Variants in IQSEC3 observed in about 807,000 individuals in gnomAD.
IQSEC3 encodes the protein IQ motif and Sec7 domain ArfGEF 3.
In IQSEC3, 50 loss-of-function variants were observed where a neutral mutation model predicts 105.4. The ratio of observed to expected loss-of-function variants is 0.47; its 90% CI spans 0.38 to 0.60. IQSEC3 has a LOEUF of 0.60. Among genes scored for constraint, IQSEC3 ranks in the 20% least tolerant of loss-of-function variants. IQSEC3 has a pLI of 0.00. For missense variants in IQSEC3, 1,415 were observed against 1,630.0 expected, an observed-to-expected ratio of 0.87 and a Z score of 2.27; for synonymous variants, 708 against 746.0, an observed-to-expected ratio of 0.95 and a Z score of 0.83.
chr12:91,141 GC>G, intron 1 of IQSEC3, among the ~76,000 whole-genome samples: 1 of 152,274 alleles, frequency 6.6e-6, no homozygotes, highest in Non-Finnish European at 1.5e-5. Context: ...CTTCAGAGTT[GC>G]CCCCTGGGAC....
intron 8 of IQSEC3, among the ~76,000 whole-genome samples, chr12:163,150 C>CT (rs1866979658): frequency 7.1e-6 from 1 of 140,764 alleles, no homozygotes; most frequent in Non-Finnish European, 1.6e-5. Flanking sequence ...CCCTCCCCTC[C>CT]CTCTCCACAA....
chr12:103,170 T>G (rs1555076694), intron 2 of IQSEC3, among the ~76,000 whole-genome samples: 1 of 151,806 alleles, frequency 6.6e-6, no homozygotes. Flanking sequence ...CTTTCGATCC[T>G]GCCGCCTCCC....
rs1555087249 is a variant in IQSEC3 at position 138,492 on chromosome 12, G to A, written c.1129G>A (p.Val377Met). The A allele has an allele frequency of 8.2e-6, 13 of 1,589,436 alleles. No individual in the cohort carries two copies. In the African/African-American group the frequency reaches 1.5e-4, roughly 18 times the overall value. The change falls in exon 4 of 14, where the codon GTG (valine) becomes ATG (methionine). Residue 377 changes from valine (V) to methionine (M), a missense_variant. By Grantham distance (21) the Val-to-Met change is conservative (BLOSUM62 1). Coordinates refer to ENST00000538872, the MANE Select transcript of IQSEC3 (RefSeq NM_001170738.2). This position sits in a 1 kb window ranked among gnomAD's most constrained non-coding sequence, Gnocchi z 7.1. The part of the protein sequence containing the change: ...EKALMEGYGL[V>M]GLPLVRSPSL... ...AGCGCTCATGGAGGGCTACGGCCTC[G>A]TGGGGCTGCCGCTGGTGCGCTCGCC...
At chr12:169,669 C>T (rs118031059) in intron 12 of IQSEC3, among the ~76,000 whole-genome samples, 129 of 152,284 alleles carry the variant, frequency 8.5e-4, no homozygotes, top group East Asian at 7.7e-3. Flanking sequence ...TCACTCCAGC[C>T]GAGTCACACT....
chr12:153,052 C>A (rs1866560530), intron 5 of IQSEC3, among the ~76,000 whole-genome samples: 1 of 151,812 alleles, frequency 6.6e-6, no homozygotes, highest in African/African-American at 2.4e-5. Context: ...GTAGACACTG[C>A]AAAATAAGAG....
At chr12:150,376 A>C (rs1302431454) in intron 5 of IQSEC3, among the ~76,000 whole-genome samples, 1 of 152,214 alleles carries the variant, frequency 6.6e-6, no homozygotes, top group Non-Finnish European at 1.5e-5. Context: ...ATATTTACTC[A>C]AGCAAGTTAG....
chr12:138,131 T>C lies in IQSEC3; in HGVS notation c.904-136T>C. The C allele has an allele frequency of 1.4e-6, 1 of 733,674 alleles. No individual in the cohort carries two copies. The highest frequency in any genetic ancestry group is 1.8e-5 in the African/African-American group (1 of 56,360). The allele number at this position is 733,674 out of a possible 1,614,324, so 45.4% of individuals were successfully genotyped here. A position where few individuals can be genotyped will look rare whatever the true frequency, so the allele number is the denominator to read the frequency against. On this transcript the variant is annotated intron_variant, in intron 3 of 13. Coordinates refer to ENST00000538872, the MANE Select transcript of IQSEC3 (RefSeq NM_001170738.2). The surrounding 1 kb of genome is among the most constrained non-coding windows in gnomAD (Gnocchi z 7.1). ...CGTTCTAGGCGGTTCAGACTTTAGC[T>C]GCCCAGGAGCGCCCCCCCGCCCCCG...
chr12:172,708 T>A (rs1939072071), intron 13 of IQSEC3, among the ~76,000 whole-genome samples: 3 of 152,348 alleles, frequency 2.0e-5, no homozygotes, highest in Middle Eastern at 6.8e-3. Flanking sequence ...GCTGCTCATG[T>A]TCCATCCTCT....
chr12:133,814 C>A lies in IQSEC3; in HGVS notation c.904-4453C>A, dbSNP rs932179561. The stretch of plus-strand genomic sequence containing the variant: ...GTTGGGTCAGCATCTGGCATTTGCT[C>A]CTGGAGTGAGGCAGAGGTTAGTGTT... On this transcript the variant is annotated intron_variant, in intron 3 of 13. Transcript: ENST00000538872. Among the ~76,000 whole-genome samples the A allele has an allele frequency of 2.7e-5, 4 of 150,664 alleles. 1 individual carries two copies. Among genetic ancestry groups the A allele is most frequent in the South Asian group, 2.1e-4 (1 of 4,754 alleles).
At chr12:146,895 T>C (rs1445086952) in intron 5 of IQSEC3, among the ~76,000 whole-genome samples, 1 of 152,038 alleles carries the variant, frequency 6.6e-6, no homozygotes, top group Non-Finnish European at 1.5e-5. Flanking sequence ...CCTTGACCCT[T>C]CACCTCTCCA....
rs543038731 is a variant in IQSEC3, at chr12:85,900, A to G, written c.555-13246A>G. Among the ~76,000 whole-genome samples, 415 of 152,282 alleles carry G rather than the reference A, an allele frequency of 2.7e-3. 4 individuals carry two copies. The South Asian group carries it at 0.03, about 11-fold the overall frequency. ...TTGTTTCCAGGCATGTGCATGTTTC[A>G]TATATGTGCACACTTAATCCCCCAT... On this transcript the variant is annotated intron_variant, in intron 1 of 13. Transcript: ENST00000538872.
At chr12:123,956 C>T (rs1484738261) in intron 2 of IQSEC3, among the ~76,000 whole-genome samples, 1 of 152,096 alleles carries the variant, frequency 6.6e-6, no homozygotes, top group Non-Finnish European at 1.5e-5. Context: ...TCCCCGTGGC[C>T]CCTGGGTTCT....
chr12:157,499 C>T lies in IQSEC3; in HGVS notation c.2277-29C>T, dbSNP rs180965974. ...CGGGGGAGGGTGGGCGGGGGCTCAG[C>T]GTCCGCTCTGCATCTGACCCCCCCA... On this transcript the variant is annotated intron_variant, in intron 6 of 13. Coordinates refer to ENST00000538872, the MANE Select transcript of IQSEC3 (RefSeq NM_001170738.2). 2.3e-3 allele frequency: 3,590 copies of T among 1,594,838 alleles called. 34 individuals carry two copies. In the African/African-American group the frequency reaches 0.026, roughly 12 times the overall value.
chr12:163,496 G>C lies in IQSEC3; in HGVS notation c.2586G>C (p.Val862=). The C allele has an allele frequency of 6.2e-7, 1 of 1,605,158 alleles. No individual in the cohort carries two copies. Among genetic ancestry groups the C allele is most frequent in the Non-Finnish European group, 8.5e-7 (1 of 1,175,392 alleles). ...VEKSIVGMKT[V]LSVPHRRLVC... Reference sequence around the variant, plus strand: ...CTGAGCGCCCTGCCCGCGTGCAGGTGCTGTCCGTGCCCCACCGCCGCCTGG... The same window carrying C: ...CTGAGCGCCCTGCCCGCGTGCAGGTCCTGTCCGTGCCCCACCGCCGCCTGG... Residue 862 remains valine (V), a splice_region_variant and synonymous_variant, in exon 9 of 14, where the codon GTG becomes GTC. Transcript: ENST00000538872.
Position 163,632 on chromosome 12 carries a change from C to A in IQSEC3, c.2709+13C>A. The A allele has an allele frequency of 7.2e-7, 1 of 1,379,674 alleles. No homozygotes were observed. Among genetic ancestry groups the A allele is most frequent in the Non-Finnish European group, 1.0e-6 (1 of 967,858 alleles). The allele number at this position is 1,379,674 out of a possible 1,614,324, so 85.5% of individuals were successfully genotyped here. Reference sequence around the variant, plus strand: ...TGACCTGCTGGTGGTGAGTGGCCTCCGCTCCGGGACTGGGCTGGGCTGGGG... The same window carrying A: ...TGACCTGCTGGTGGTGAGTGGCCTCAGCTCCGGGACTGGGCTGGGCTGGGG... On this transcript the variant is annotated intron_variant, in intron 9 of 13. Transcript: ENST00000538872.
intron 1 of IQSEC3, among the ~76,000 whole-genome samples, chr12:89,185 A>G (rs1045948779): frequency 6.6e-6 from 1 of 151,348 alleles, no homozygotes; most frequent in Non-Finnish European, 1.5e-5. Context: ...CCCCACCCCC[A>G]ATTTTCTCAT....
At chr12:69,431 C>T (rs1454912813) in intron 1 of IQSEC3, among the ~76,000 whole-genome samples, 2 of 152,264 alleles carry the variant, frequency 1.3e-5, no homozygotes, top group Non-Finnish European at 2.9e-5. Context: ...CTCACCTTTC[C>T]TTCTCACCTG....
intron 4 of IQSEC3, 67 bp downstream of exon 4, chr12:139,421 C>A: frequency 7.5e-7 from 1 of 1,337,196 alleles, no homozygotes; most frequent in Non-Finnish European, 1.0e-6. Flanking sequence ...GAGGAGGGCA[C>A]CTTCCCTCCA....
intron 3 of IQSEC3, among the ~76,000 whole-genome samples, chr12:128,644 C>A (rs973456330): frequency 2.0e-5 from 3 of 152,120 alleles, no homozygotes; most frequent in African/African-American, 7.2e-5. Flanking sequence ...GCCCCAAGCC[C>A]CACTGATGCT....
Sources: allele counts gnomAD v4.1 joint callset (sites outside exome capture counted in the v4.1 genomes callset), GRCh38; gene constraint gnomAD v4.1.1; non-coding constraint Gnocchi (gnomAD v3.1); transcripts MANE v1.5; gene names NCBI Gene and HGNC (gene_info 2026-07-23, HGNC 2026-07-21).